Variants in PLXNC1 observed in about 807,000 individuals in gnomAD.
PLXNC1 encodes plexin C1.
Under a neutral mutation model 178.2 loss-of-function variants are expected in PLXNC1, and 75 were observed. The observed-to-expected ratio is 0.42, with a 90% CI of 0.35 to 0.51. PLXNC1 has a LOEUF of 0.51. Among genes scored for constraint, PLXNC1 ranks in the 20% least tolerant of loss-of-function variants. The probability of loss-of-function intolerance (pLI) is 0.02; values close to 1 mark genes in which losing one functional copy is unlikely to be tolerated. For synonymous variants in PLXNC1, 790 were observed against 779.9 expected (o/e 1.01, Z -0.22); for missense variants, 1,503 against 1,984.4 (o/e 0.76, Z 4.61).
At chr12:94,299,316 T>G (rs1432359637) in intron 27 of PLXNC1, among the ~76,000 whole-genome samples, 1 of 152,180 alleles carries the variant, frequency 6.6e-6, no homozygotes, top group Non-Finnish European at 1.5e-5. Context: ...AAATTTTGCC[T>G]CCTCAGTAAA....
Position 94,244,041 on chromosome 12 carries a change from C to A in PLXNC1, c.2388+16C>A. The A allele has an allele frequency of 7.1e-7, 1 of 1,406,504 alleles. No individual in the cohort carries two copies. Among genetic ancestry groups the A allele is most frequent in the Non-Finnish European group, 1.0e-6 (1 of 994,666 alleles). The allele number at this position is 1,406,504 out of a possible 1,614,324, so 87.1% of individuals were successfully genotyped here. On this transcript the variant is annotated intron_variant, in intron 12 of 30. Coordinates refer to ENST00000258526, the MANE Select transcript of PLXNC1 (RefSeq NM_005761.3). ...AAACATAAATGTAAGTCTCCAGCTGCTTTGTAATAATAGTTGTTTTCAAGG... is the reference window on the plus strand; with the variant it reads ...AAACATAAATGTAAGTCTCCAGCTGATTTGTAATAATAGTTGTTTTCAAGG...
At chr12:94,210,302 A>T (rs1160770580) in intron 5 of PLXNC1, among the ~76,000 whole-genome samples, 1 of 152,228 alleles carries the variant, frequency 6.6e-6, no homozygotes, top group African/African-American at 2.4e-5. Flanking sequence ...CTGTCATTGG[A>T]TGAGAGAAGG....
At chr12:94,195,060 G>A (rs1388852470) in intron 4 of PLXNC1, among the ~76,000 whole-genome samples, 1 of 152,270 alleles carries the variant, frequency 6.6e-6, no homozygotes, top group Admixed American at 6.5e-5. Context: ...GGCAGATGGA[G>A]TTCTATGCAC....
intron 7 of PLXNC1, chr12:94,226,393 T>G (rs1161939466): frequency 2.0e-6 from 1 of 493,928 alleles, no homozygotes; most frequent in East Asian, 3.7e-5. Context: ...GCTTCAGGTT[T>G]CCATGGCAAC....
intron 1 of PLXNC1, among the ~76,000 whole-genome samples, chr12:94,163,516 G>A (rs970150681): frequency 1.3e-5 from 2 of 152,148 alleles, no homozygotes; most frequent in African/African-American, 4.8e-5. Context: ...GGTGGGGAAG[G>A]GACATAAAGC....
At chr12:94,208,432 AAGAG>A (rs958891109) in intron 4 of PLXNC1, among the ~76,000 whole-genome samples, 1 of 152,288 alleles carries the variant, frequency 6.6e-6, no homozygotes, top group African/African-American at 2.4e-5. Context: ...TAAGAATTGA[AAGAG>A]AGAGAGAGTA....
chr12:94,253,652 G>A (rs1440080769), intron 15 of PLXNC1, among the ~76,000 whole-genome samples: 1 of 151,772 alleles, frequency 6.6e-6, no homozygotes, highest in East Asian at 1.9e-4. Context: ...AGCATTATTG[G>A]TAGCAGAGCC....
At chr12:94,236,822 C>T (rs886203575) in intron 9 of PLXNC1, among the ~76,000 whole-genome samples, 9 of 152,080 alleles carry the variant, frequency 5.9e-5, no homozygotes, top group African/African-American at 9.7e-5. Flanking sequence ...GAATGATAGA[C>T]AGTAGCATCT....
At chr12:94,202,096 C>T (rs1963148164) in intron 4 of PLXNC1, among the ~76,000 whole-genome samples, 1 of 152,106 alleles carries the variant, frequency 6.6e-6, no homozygotes, top group African/African-American at 2.4e-5. Context: ...ATGGTTCTCA[C>T]CCTTGAATGC....
At chr12:94,232,911 C>CT (rs1442508041) in intron 9 of PLXNC1, among the ~76,000 whole-genome samples, 1 of 150,836 alleles carries the variant, frequency 6.6e-6, no homozygotes, top group African/African-American at 2.5e-5. Context: ...CAATCTGACT[C>CT]AACAGAGTTT....
rs1024923504 is a variant in PLXNC1 at position 94,174,731 on chromosome 12, G to A, written c.1203+5438G>A. Among the ~76,000 whole-genome samples, 6 of 152,278 alleles carry A rather than the reference G, an allele frequency of 3.9e-5. No individual in the cohort carries two copies. In the East Asian group the frequency reaches 1.2e-3, roughly 29 times the overall value. ...TAGAACAGGACCTGGGACCGGAAGT[G>A]GTGGTGGTGGTGGGGATGACTGAGC... On this transcript the variant is annotated intron_variant, in intron 2 of 30. Transcript: ENST00000258526.
intron 10 of PLXNC1, among the ~76,000 whole-genome samples, chr12:94,239,288 A>T (rs1272284339): frequency 1.3e-5 from 2 of 152,344 alleles, no homozygotes; most frequent in South Asian, 4.1e-4. Flanking sequence ...AAAATGGGTA[A>T]TTATTTTAAA....
chr12:94,201,942 A>G (rs967102867), intron 4 of PLXNC1, among the ~76,000 whole-genome samples: 2 of 151,084 alleles, frequency 1.3e-5, no homozygotes, highest in Non-Finnish European at 3.0e-5. Context: ...AATTTTTTGT[A>G]TTTTTATTAG....
Position 94,209,738 on chromosome 12 carries a change from A to G in PLXNC1, c.1554+34A>G, listed in dbSNP as rs766385000. The G allele has an allele frequency of 3.8e-6, 5 of 1,305,846 alleles. No homozygotes were observed. The Admixed American group carries it at 6.8e-5, about 18-fold the overall frequency. The allele number at this position is 1,305,846 out of a possible 1,614,324, so 80.9% of individuals were successfully genotyped here. ...AAAGATTTTAATTTGTCCTCGTTGT[A>G]TTGTCTCATTTTGCACAGCGGATGC... On this transcript the variant is annotated intron_variant, in intron 5 of 30. Transcript: ENST00000258526.
At chr12:94,219,803 T>TTTTATTTATTTATTTG (rs1555200396) in intron 5 of PLXNC1, among the ~76,000 whole-genome samples, 10 of 116,396 alleles carry the variant, frequency 8.6e-5, no homozygotes, top group African/African-American at 1.9e-4. Context: ...TCTTTTATAT[T>TTTTATTTATTTATTTG]TTTATTTATT....
chr12:94,158,202 T>C (rs946309608), intron 1 of PLXNC1: 6 of 152,168 alleles, frequency 3.9e-5, no homozygotes, highest in African/African-American at 1.4e-4. Context: ...TCTGGGAGGC[T>C]TCAGAGAGGT....
intron 12 of PLXNC1, among the ~76,000 whole-genome samples, chr12:94,245,733 C>T (rs1964512028): frequency 3.3e-5 from 5 of 152,164 alleles, no homozygotes; most frequent in South Asian, 2.1e-4. Context: ...ACAGAGTCCT[C>T]GCAGGCCCGT....
chr12:94,261,109 G>A (rs1453625069), intron 20 of PLXNC1, among the ~76,000 whole-genome samples: 2 of 152,166 alleles, frequency 1.3e-5, no homozygotes, highest in Admixed American at 6.5e-5. Flanking sequence ...CACACCCAGA[G>A]CCCAGTCAGC....
At chr12:94,200,633 G>T (rs1243083586) in intron 4 of PLXNC1, among the ~76,000 whole-genome samples, 1 of 152,172 alleles carries the variant, frequency 6.6e-6, no homozygotes, top group Non-Finnish European at 1.5e-5. Flanking sequence ...GAGTATATGG[G>T]AGAGCAGCTT....
Sources: allele counts gnomAD v4.1 joint callset (sites outside exome capture counted in the v4.1 genomes callset), GRCh38; gene constraint gnomAD v4.1.1; transcripts MANE v1.5; gene names NCBI Gene and HGNC (gene_info 2026-07-23, HGNC 2026-07-21).